The following METTL14 variants were observed in gnomAD, a reference collection of about 807,000 sequenced individuals.
The protein encoded by METTL14 is methyltransferase 14, N6-adenosine-methyltransferase non-catalytic subunit, also known as N(6)-adenosine-methyltransferase non-catalytic subunit METTL14.
METTL14 carries 32 observed loss-of-function variants against 62.4 expected under a neutral mutation model. The ratio of observed to expected loss-of-function variants is 0.51; its 90% CI spans 0.39 to 0.69. The LOEUF (loss-of-function observed/expected upper bound fraction) is 0.69, where lower values mean the gene tolerates loss of function less well. Ranked by LOEUF, METTL14 falls within the 30% of genes least tolerant of loss-of-function variation. The probability of loss-of-function intolerance (pLI) is 0.00; values close to 1 mark genes in which losing one functional copy is unlikely to be tolerated. For missense variants in METTL14, 340 were observed against 551.9 expected, an observed-to-expected ratio of 0.62 and a Z score of 3.85; for synonymous variants, 150 against 180.0, an observed-to-expected ratio of 0.83 and a Z score of 1.34.
Position 118,711,075 on chromosome 4 carries a change from CAAAT to C in METTL14, c.*777_*780del, listed in dbSNP as rs1724905541. ...GATTGACCTTAAATTTTATATTCCT[CAAAT>C]AAAAGAGAGGCAGCGACAAGATACC... On this transcript the variant is annotated 3_prime_UTR_variant, in exon 11 of 11. Transcript: ENST00000388822. The C allele has an allele frequency of 6.6e-6, 1 of 152,058 alleles. No individual in the cohort carries two copies. Among genetic ancestry groups the C allele is most frequent in the African/African-American group, 2.4e-5 (1 of 41,392 alleles). The allele number at this position is 152,058 out of a possible 1,614,324, so 9.4% of individuals were successfully genotyped here.
chr4:118,710,040 A>G lies in METTL14; in HGVS notation c.1109A>G (p.Asn370Ser). ...CCAACGCTTACAAATAGCAACTACA[A>G]TGCAGAAACATATGCATCCTATTTC... Reference protein sequence around the residue: ...VGPTLTNSNYNAETYASYFSA... With the variant: ...VGPTLTNSNYSAETYASYFSA... The change falls in exon 11 of 11, where the codon AAT becomes AGT. Residue 370 changes from asparagine to serine, a missense_variant. By Grantham distance (46) the Asn-to-Ser change is conservative. Coordinates refer to ENST00000388822, the MANE Select transcript of METTL14 (RefSeq NM_020961.4). 5.6e-6 allele frequency: 9 copies of G among 1,614,114 alleles called. No homozygotes were observed. Among genetic ancestry groups the G allele is most frequent in the African/African-American group, 1.3e-5 (1 of 75,066 alleles).
chr4:118,686,725 C>A (rs73843457), intron 1 of METTL14: 1 of 446,714 alleles, frequency 2.2e-6, no homozygotes, highest in Non-Finnish European at 4.5e-6. Context: ...GTTGCTACCA[C>A]AGAAGACGTT....
At chr4:118,698,422 C>T (rs1397885903) in intron 7 of METTL14, among the ~76,000 whole-genome samples, 2 of 137,422 alleles carry the variant, frequency 1.5e-5, no homozygotes, top group East Asian at 4.2e-4. Context: ...CATTGCACTC[C>T]AGCCTGGGCG....
chr4:118,685,445 A>AT lies in METTL14; in HGVS notation c.-86dup. The AT allele has an allele frequency of 7.6e-7, 1 of 1,317,930 alleles. No individual in the cohort carries two copies. Among genetic ancestry groups the AT allele is most frequent in the South Asian group, 1.2e-5 (1 of 84,678 alleles). The allele number at this position is 1,317,930 out of a possible 1,614,324, so 81.6% of individuals were successfully genotyped here. A position where few individuals can be genotyped will look rare whatever the true frequency, so the allele number is the denominator to read the frequency against. On this transcript the variant is annotated 5_prime_UTR_variant, in exon 1 of 11. Transcript: ENST00000388822. ...TACTCTGTTCGTAAGCTCCCGGTGA[A>AT]TTTTGTTCCACAGACTCGGAAGAAA...
At chr4:118,696,736 A>G (rs1724425276) in intron 6 of METTL14, among the ~76,000 whole-genome samples, 1 of 152,248 alleles carries the variant, frequency 6.6e-6, no homozygotes, top group Non-Finnish European at 1.5e-5. Context: ...TATGAAAACT[A>G]TGTTTTGGGG....
Position 118,697,343 on chromosome 4 carries a change from A to G in METTL14, c.645+20A>G, listed in dbSNP as rs547307241. On this transcript the variant is annotated intron_variant, in intron 7 of 10. Transcript: ENST00000388822. ...GATGATGTATGATCAAACTTTCTAC[A>G]TTGTAATGAATTATTTATTTTCAAA... The G allele has an allele frequency of 1.9e-5, 29 of 1,561,208 alleles. No individual in the cohort carries two copies. The highest frequency in any genetic ancestry group is 2.2e-5 in the Non-Finnish European group (25 of 1,156,212).
chr4:118,704,695 C>T (rs1054888629), intron 9 of METTL14, among the ~76,000 whole-genome samples: 1 of 152,024 alleles, frequency 6.6e-6, no homozygotes, highest in Admixed American at 6.6e-5. Context: ...GCCCCATGCC[C>T]CATGCCGCAT....
chr4:118,695,082 T>A lies in METTL14; in HGVS notation c.503+556T>A, dbSNP rs573050411. ...CCTGACCTTGGGTGATTTGCCCCCCTCAACCTCAAAATGCTGGGATTACAG... is the reference window on the plus strand; with the variant it reads ...CCTGACCTTGGGTGATTTGCCCCCCACAACCTCAAAATGCTGGGATTACAG... On this transcript the variant is annotated intron_variant, in intron 6 of 10. Coordinates refer to ENST00000388822, the MANE Select transcript of METTL14 (RefSeq NM_020961.4). Among the ~76,000 whole-genome samples the A allele has an allele frequency of 5.3e-5, 8 of 151,484 alleles. No homozygotes were observed. In the East Asian group the frequency reaches 7.9e-4, roughly 15 times the overall value.
intron 7 of METTL14, 54 bp from the exon 8 acceptor site, chr4:118,700,496 A>T: frequency 1.4e-5 from 19 of 1,384,468 alleles, no homozygotes; most frequent in Non-Finnish European, 1.9e-5. Context: ...TTTTGGATTT[A>T]GGATGAATGG....
intron 1 of METTL14, among the ~76,000 whole-genome samples, chr4:118,687,059 TATA>T (rs1176598912): frequency 6.6e-6 from 1 of 152,262 alleles, no homozygotes; most frequent in Admixed American, 6.5e-5. Context: ...AAATAAGTTA[TATA>T]AGCTGATGCC....
intron 10 of METTL14, among the ~76,000 whole-genome samples, chr4:118,709,765 G>A (rs943431503): frequency 2.6e-5 from 4 of 152,140 alleles, no homozygotes; most frequent in African/African-American, 9.7e-5. Flanking sequence ...AAGATAGTAC[G>A]TGGATGAGGA....
intron 3 of METTL14, among the ~76,000 whole-genome samples, chr4:118,691,017 T>C (rs1724229687): frequency 6.6e-6 from 1 of 152,194 alleles, no homozygotes; most frequent in African/African-American, 2.4e-5. Flanking sequence ...CAATAAAATC[T>C]CTAGAAAGTT....
chr4:118,709,176 G>A (rs981826064), intron 10 of METTL14, among the ~76,000 whole-genome samples: 6 of 152,194 alleles, frequency 3.9e-5, no homozygotes, highest in Non-Finnish European at 5.9e-5. Flanking sequence ...AAAAATCGGG[G>A]TTAGTATAGA....
rs183915855 is a variant in METTL14 at position 118,701,925 on chromosome 4, A to G, written c.738+1283A>G. Among the ~76,000 whole-genome samples the G allele has an allele frequency of 5.3e-5, 8 of 152,258 alleles. No homozygotes were observed. In the East Asian group the frequency reaches 9.7e-4, roughly 18 times the overall value. On this transcript the variant is annotated intron_variant, in intron 8 of 10. Transcript: ENST00000388822. ...CCATCATTTATTAACTCCAAGGTAA[A>G]CTATAACTGTGTTTCAGTTGGATAT...
At chr4:118,694,894 T>C (rs1169447799) in intron 6 of METTL14, among the ~76,000 whole-genome samples, 4 of 152,206 alleles carry the variant, frequency 2.6e-5, no homozygotes, top group African/African-American at 9.6e-5. Context: ...CTCCGCCCCC[T>C]GGGTTCAAGT....
At chr4:118,691,226 G>A (rs938538440) in intron 3 of METTL14, among the ~76,000 whole-genome samples, 2 of 151,892 alleles carry the variant, frequency 1.3e-5, no homozygotes, top group Non-Finnish European at 2.9e-5. Flanking sequence ...ATTGGTGGTC[G>A]TATCTTTCAT....
At position 118,703,971 on chromosome 4, in the gene METTL14, A is replaced by T; in HGVS notation, c.775A>T (p.Ile259Phe). 1.9e-6 allele frequency: 3 copies of T among 1,580,932 alleles called. No homozygotes were observed. The highest frequency in any genetic ancestry group is 2.6e-6 in the Non-Finnish European group (3 of 1,170,148). Residue 259 changes from isoleucine (I) to phenylalanine (F), a missense_variant, in exon 9 of 11, where the codon ATT becomes TTT. Coordinates refer to ENST00000388822, the MANE Select transcript of METTL14 (RefSeq NM_020961.4). ...ATGGGGTTACAGAAGATGTGAAGAT[A>T]TTTGTTGGATTAAAACCAATAAAAA... ...RKWGYRRCED[I>F]CWIKTNKNNP...
Position 118,715,187 on chromosome 4 carries a change from TA to T in METTL14, c.*4886del. On this transcript the variant is annotated 3_prime_UTR_variant, in exon 11 of 11. Coordinates refer to ENST00000388822, the MANE Select transcript of METTL14 (RefSeq NM_020961.4). ...GATAATCCTTACCTGTACAGATTTT[TA>T]TAACTGTTGTTATCATAAGAGAATG... The T allele has an allele frequency of 6.6e-6, 1 of 152,390 alleles. No homozygotes were observed. The highest frequency in any genetic ancestry group is 3.4e-3 in the Middle Eastern group (1 of 294). The allele number at this position is 152,390 out of a possible 1,614,324, so 9.4% of individuals were successfully genotyped here. A position where few individuals can be genotyped will look rare whatever the true frequency, so the allele number is the denominator to read the frequency against.
At chr4:118,697,981 G>A (rs984652255) in intron 7 of METTL14, among the ~76,000 whole-genome samples, 1 of 152,072 alleles carries the variant, frequency 6.6e-6, no homozygotes, top group Non-Finnish European at 1.5e-5. Flanking sequence ...ATCTGGTTGT[G>A]GGGTGGAGGT....
Sources: allele counts gnomAD v4.1 joint callset (sites outside exome capture counted in the v4.1 genomes callset), GRCh38; gene constraint gnomAD v4.1.1; transcripts MANE v1.5; gene names NCBI Gene and HGNC (gene_info 2026-07-23, HGNC 2026-07-21).